Variants in AVEN observed in about 807,000 individuals in gnomAD.
AVEN encodes the protein cell death regulator Aven.
In AVEN, 41 loss-of-function variants were observed where a neutral mutation model predicts 38.1. That is an observed-to-expected ratio of 1.08 (90% CI 0.84 to 1.40). The LOEUF is 1.40. Ranked by LOEUF, AVEN falls within the 40% of genes most tolerant of loss-of-function variation. The probability of loss-of-function intolerance (pLI) is 0.00; values close to 1 mark genes in which losing one functional copy is unlikely to be tolerated. For missense variants in AVEN, 605 were observed against 438.8 expected (o/e 1.38, Z -3.38); for synonymous variants, 206 against 171.8 (o/e 1.20, Z -1.56).
chr15:34,064,651 A>G (rs1900464156), intron 4 of AVEN: 2 of 286,384 alleles, frequency 7.0e-6, no homozygotes, highest in East Asian at 7.7e-5. Flanking sequence ...CTTCTGTAGG[A>G]AACAGCAGAG....
At chr15:34,062,566 A>AC in intron 5 of AVEN, 2 of 681,092 alleles carry the variant, frequency 2.9e-6, no homozygotes, top group Non-Finnish European at 4.7e-6. Flanking sequence ...AAAAAAAAAA[A>AC]AAAAAAAACT....
chr15:34,068,723 G>C (rs1900568094), intron 2 of AVEN, among the ~76,000 whole-genome samples: 1 of 151,760 alleles, frequency 6.6e-6, no homozygotes. Flanking sequence ...ATTGCATTTA[G>C]TTGTCATGTC....
In AVEN at chr15:34,063,591, G is replaced by A. The variant is rs377423553; in HGVS notation, n.1127-159C>T. The A allele has an allele frequency of 2.2e-4, 348 of 1,613,728 alleles. No individual in the cohort carries two copies. Among genetic ancestry groups the A allele is most frequent in the Non-Finnish European group, 2.6e-4 (307 of 1,180,026 alleles). On this transcript the variant is annotated intron_variant and non_coding_transcript_variant, in intron 4 of 11. Transcript: ENST00000675287. The surrounding 1 kb of genome is among the most constrained non-coding windows in gnomAD (Gnocchi z 4.1). ...GCCATCCCAAGCCACTGGCCCAAGC[G>A]CCAATTGGGCCAAAGCTGAGCAGCT...
intron 1 of AVEN, among the ~76,000 whole-genome samples, chr15:34,009,561 A>T (rs1006109278): frequency 6.6e-6 from 1 of 152,250 alleles, no homozygotes; most frequent in African/African-American, 2.4e-5. Flanking sequence ...AAGAAAAAGC[A>T]TAAAAAAATT....
At chr15:33,861,512 T>A (rs1567358940), downstream of AVEN, among the ~76,000 whole-genome samples, 1 of 150,804 alleles carries the variant, frequency 6.6e-6, no homozygotes, top group Non-Finnish European at 1.5e-5. Flanking sequence ...CAAAGAAAAA[T>A]CTGTGGCCCC....
intron 5 of AVEN, among the ~76,000 whole-genome samples, chr15:34,060,294 C>T (rs553229764): frequency 6.6e-6 from 1 of 152,264 alleles, no homozygotes; most frequent in East Asian, 1.9e-4. Flanking sequence ...AGTTAGACTG[C>T]ATGTGTTTGG....
chr15:33,924,029 A>G (rs1391322256), intron 2 of AVEN, among the ~76,000 whole-genome samples: 1 of 151,996 alleles, frequency 6.6e-6, no homozygotes, highest in Non-Finnish European at 1.5e-5. Context: ...ATAGAAATAA[A>G]GTGCACAATA....
intron 2 of AVEN, among the ~76,000 whole-genome samples, chr15:34,002,004 T>A (rs1897154852): frequency 6.6e-6 from 1 of 152,228 alleles, no homozygotes; most frequent in Non-Finnish European, 1.5e-5. Context: ...TTTAGCGACG[T>A]AATTGCAGAT....
chr15:33,980,565 A>G (rs578107880), intron 2 of AVEN, among the ~76,000 whole-genome samples: 1 of 152,320 alleles, frequency 6.6e-6, no homozygotes, highest in Non-Finnish European at 1.5e-5. Flanking sequence ...CTGGGAGATC[A>G]GGCAAAAGGC....
At chr15:33,961,543 G>C (rs1301008484) in intron 2 of AVEN, among the ~76,000 whole-genome samples, 1 of 151,866 alleles carries the variant, frequency 6.6e-6, no homozygotes, top group Admixed American at 6.6e-5. Flanking sequence ...ACTGGGTGAG[G>C]TGGCTCATGC....
intron 1 of AVEN, among the ~76,000 whole-genome samples, chr15:34,013,801 G>T (rs761882060): frequency 2.0e-5 from 3 of 152,204 alleles, no homozygotes; most frequent in Non-Finnish European, 4.4e-5. Context: ...GGAAGCAGGA[G>T]GATGACATCA....
intron 4 of AVEN, among the ~76,000 whole-genome samples, chr15:33,868,417 A>G (rs1273919324): frequency 6.6e-6 from 1 of 151,726 alleles, no homozygotes; most frequent in Admixed American, 6.6e-5. Flanking sequence ...AGTGGTGGAG[A>G]GTGTCTAGTC....
At chr15:34,056,801 G>C (rs539204521) in intron 5 of AVEN, among the ~76,000 whole-genome samples, 1 of 152,104 alleles carries the variant, frequency 6.6e-6, no homozygotes, top group Non-Finnish European at 1.5e-5. Flanking sequence ...CAGATCACTT[G>C]AGGCCAGGAG....
intron 1 of AVEN, 86 bp from the exon 2 acceptor site, chr15:34,003,295 A>G: frequency 8.5e-7 from 1 of 1,174,410 alleles, no homozygotes; most frequent in South Asian, 1.4e-5. Flanking sequence ...AAGTACATGG[A>G]CATAACAATA....
intron 5 of AVEN, chr15:34,062,595 A>C: frequency 1.2e-6 from 1 of 854,132 alleles, no homozygotes; most frequent in Non-Finnish European, 1.8e-6. Context: ...TGGATGGACA[A>C]GAAAATCATG....
intron 2 of AVEN, among the ~76,000 whole-genome samples, chr15:33,920,970 T>C (rs1038873574): frequency 2.6e-5 from 4 of 152,064 alleles, no homozygotes; most frequent in Non-Finnish European, 4.4e-5. Context: ...GAGACGGGTT[T>C]CCACCATGTT....
At chr15:33,891,751 G>A (rs546641958) in intron 2 of AVEN, among the ~76,000 whole-genome samples, 1 of 152,266 alleles carries the variant, frequency 6.6e-6, no homozygotes, top group South Asian at 2.1e-4. Context: ...ACCCAGTAGT[G>A]GGATGGCTGG....
At chr15:33,964,322 A>C (rs636165) in intron 2 of AVEN, among the ~76,000 whole-genome samples, 147,904 of 152,176 alleles carry the variant, frequency 0.97, 71,960 homozygotes, top group Non-Finnish European at 1. Context: ...AGGTCAAAAT[A>C]TTAAGGATGA....
At chr15:33,872,108 A>C (rs916900954) in intron 3 of AVEN, among the ~76,000 whole-genome samples, 1 of 152,156 alleles carries the variant, frequency 6.6e-6, no homozygotes, top group Non-Finnish European at 1.5e-5. Context: ...ACACCCACTA[A>C]GGATGCTATG....
Sources: allele counts gnomAD v4.1 joint callset (sites outside exome capture counted in the v4.1 genomes callset), GRCh38; gene constraint gnomAD v4.1.1; non-coding constraint Gnocchi (gnomAD v3.1); transcripts MANE v1.5; gene names NCBI Gene and HGNC (gene_info 2026-07-23, HGNC 2026-07-21).